The following TBXAS1 variants were observed in gnomAD, a reference collection of about 807,000 sequenced individuals.
TBXAS1 encodes the protein thromboxane A synthase 1, also known as thromboxane-A synthase.
A neutral mutation model predicts 60.7 loss-of-function variants in TBXAS1; 48 were observed. The observed-to-expected ratio is 0.79, with a 90% confidence interval of 0.63 to 1.01. TBXAS1 has a LOEUF of 1.01. Ranked by LOEUF, TBXAS1 falls within the 50% of genes least tolerant of loss-of-function variation. The pLI, the probability that TBXAS1 is intolerant of heterozygous loss-of-function variation, is 0.00. For synonymous variants in TBXAS1, 287 were observed against 269.7 expected (o/e 1.06, Z -0.63); for missense variants, 685 against 686.3 (o/e 1.00, Z 0.02).
At chr7:139,986,182 A>G (rs893640068) in intron 9 of TBXAS1, among the ~76,000 whole-genome samples, 3 of 152,180 alleles carry the variant, frequency 2.0e-5, no homozygotes, top group African/African-American at 7.2e-5. Context: ...CGCTAGTGTT[A>G]TTCTAAGTGA....
chr7:139,854,626 T>C (rs770444092), intron 1 of TBXAS1, among the ~76,000 whole-genome samples: 6 of 152,114 alleles, frequency 3.9e-5, no homozygotes, highest in Non-Finnish European at 7.4e-5. Context: ...GGAGTAAGAA[T>C]GAAGAACTCA....
intron 1 of TBXAS1, among the ~76,000 whole-genome samples, chr7:139,861,580 G>T (rs978504270): frequency 6.6e-6 from 1 of 152,148 alleles, no homozygotes; most frequent in Middle Eastern, 3.4e-3. Context: ...TAATGGCAAA[G>T]GATTCAATTA....
intron 9 of TBXAS1, among the ~76,000 whole-genome samples, chr7:139,977,272 T>C (rs944458431): frequency 3.9e-5 from 6 of 152,124 alleles, no homozygotes; most frequent in African/African-American, 7.2e-5. Flanking sequence ...CTGACAATCA[T>C]GGTGGAAGGC....
rs192746904 is a variant in TBXAS1 at position 139,792,867 on chromosome 7, T to C, written c.-80+5441T>C. Reference sequence around the variant, plus strand: ...TCATAACTATCATTTGAGGCCCAGGTAAGAGAACATCAATAGGAAACAAAG... The same window carrying C: ...TCATAACTATCATTTGAGGCCCAGGCAAGAGAACATCAATAGGAAACAAAG... On this transcript the variant is annotated intron_variant, in intron 4 of 16. Transcript: ENST00000336425. Among the ~76,000 whole-genome samples the C allele has an allele frequency of 1.7e-3, 263 of 152,192 alleles. 1 individual carries two copies. Among genetic ancestry groups the C allele is most frequent in the African/African-American group, 6.0e-3 (251 of 41,522 alleles).
chr7:139,974,693 G>A (rs879527546), intron 9 of TBXAS1, among the ~76,000 whole-genome samples: 25 of 152,146 alleles, frequency 1.6e-4, no homozygotes, highest in African/African-American at 4.8e-4. Context: ...CCAGCATTAC[G>A]TACATATAGC....
chr7:139,784,239 T>C (rs146658879), intron 3 of TBXAS1, among the ~76,000 whole-genome samples: 52 of 147,324 alleles, frequency 3.5e-4, no homozygotes, highest in African/African-American at 1.2e-3. Flanking sequence ...TCTCTCTCTC[T>C]CTTCCTTCCT....
intron 3 of TBXAS1, among the ~76,000 whole-genome samples, chr7:139,889,253 G>A (rs1341889387): frequency 6.6e-6 from 1 of 151,598 alleles, no homozygotes; most frequent in Non-Finnish European, 1.5e-5. Context: ...AGGATCGCTT[G>A]AGCCAGGAAG....
chr7:139,960,877 G>A (rs1366064638), intron 8 of TBXAS1, among the ~76,000 whole-genome samples: 1 of 152,142 alleles, frequency 6.6e-6, no homozygotes, highest in Non-Finnish European at 1.5e-5. Flanking sequence ...TTCTGTTGGT[G>A]ATTCTGATAC....
intron 5 of TBXAS1, among the ~76,000 whole-genome samples, chr7:139,939,997 C>T (rs955385017): frequency 9.2e-5 from 14 of 152,232 alleles, no homozygotes; most frequent in South Asian, 4.1e-4. Flanking sequence ...CCCGCACCCG[C>T]GGAATCAATG....
At chr7:139,951,923 AAGAAAGAG>A (rs1809365768) in intron 5 of TBXAS1, among the ~76,000 whole-genome samples, 1 of 98,302 alleles carries the variant, frequency 1.0e-5, no homozygotes, top group East Asian at 2.6e-4. Context: ...GAAAGAGAGA[AAGAAAGAG>A]AGAAAGAAGG....
intron 5 of TBXAS1, among the ~76,000 whole-genome samples, chr7:139,950,189 C>A (rs555158856): frequency 2.1e-4 from 32 of 152,078 alleles, no homozygotes; most frequent in Admixed American, 3.3e-4. Context: ...CCTGCCACCA[C>A]GCCCAGCTAA....
chr7:139,940,997 G>A (rs987438251), intron 5 of TBXAS1, among the ~76,000 whole-genome samples: 5 of 151,974 alleles, frequency 3.3e-5, no homozygotes, highest in African/African-American at 4.8e-5. Context: ...ACACATATAC[G>A]TATACACATA....
At chr7:139,800,235 C>T (rs915384597) in intron 4 of TBXAS1, among the ~76,000 whole-genome samples, 1 of 152,176 alleles carries the variant, frequency 6.6e-6, no homozygotes, top group Non-Finnish European at 1.5e-5. Flanking sequence ...TATCATGCCT[C>T]CAGTGGCTTC....
At chr7:139,806,260 A>ATTTTG in intron 4 of TBXAS1, among the ~76,000 whole-genome samples, 1 of 145,410 alleles carries the variant, frequency 6.9e-6, no homozygotes, top group East Asian at 2.0e-4. Context: ...ATTTTATTTT[A>ATTTTG]TTTTATTTTA....
At chr7:139,804,502 C>A (rs1388243768) in intron 4 of TBXAS1, among the ~76,000 whole-genome samples, 1 of 152,046 alleles carries the variant, frequency 6.6e-6, no homozygotes, top group Middle Eastern at 3.2e-3. Flanking sequence ...GTTGGGAAGG[C>A]ATGATTGTGT....
At chr7:139,915,362 A>C (rs185978313) in intron 4 of TBXAS1, among the ~76,000 whole-genome samples, 33 of 152,336 alleles carry the variant, frequency 2.2e-4, no homozygotes, top group African/African-American at 7.7e-4. Flanking sequence ...TGTTTACTTA[A>C]GCGTTCAGCA....
At chr7:139,874,660 C>T (rs1369472129) in intron 2 of TBXAS1, among the ~76,000 whole-genome samples, 1 of 152,166 alleles carries the variant, frequency 6.6e-6, no homozygotes, top group African/African-American at 2.4e-5. Context: ...ATACTCCATT[C>T]TCACAACACA....
intron 3 of TBXAS1, among the ~76,000 whole-genome samples, chr7:139,908,066 G>A (rs780688311): frequency 7.9e-5 from 12 of 151,856 alleles, no homozygotes; most frequent in Non-Finnish European, 1.5e-4. Context: ...AGTCTTGTTC[G>A]AGGTTTATCC....
intron 9 of TBXAS1, among the ~76,000 whole-genome samples, chr7:139,970,352 C>T (rs1158430676): frequency 6.6e-6 from 1 of 152,222 alleles, no homozygotes; most frequent in Non-Finnish European, 1.5e-5. Context: ...GGTGATCTGC[C>T]CGCCTCGGCC....
Sources: allele counts gnomAD v4.1 joint callset (sites outside exome capture counted in the v4.1 genomes callset), GRCh38; gene constraint gnomAD v4.1.1; transcripts MANE v1.5; gene names NCBI Gene and HGNC (gene_info 2026-07-23, HGNC 2026-07-21).